ST3GAL3: variants seen among roughly 807,000 people sequenced by gnomAD.
The protein encoded by ST3GAL3 is CMP-N-acetylneuraminate-beta-1,4-galactoside alpha-2,3-sialyltransferase.
ST3GAL3 carries 21 observed loss-of-function variants against 50.1 expected under a neutral mutation model. The observed-to-expected ratio is 0.42, with a 90% CI of 0.30 to 0.60. The LOEUF (loss-of-function observed/expected upper bound fraction) is 0.60, where lower values mean the gene tolerates loss of function less well. Among genes scored for constraint, ST3GAL3 ranks in the 20% least tolerant of loss-of-function variants. The probability of loss-of-function intolerance (pLI) is 0.19; values close to 1 mark genes in which losing one functional copy is unlikely to be tolerated. For synonymous variants in ST3GAL3, 183 were observed against 190.0 expected (o/e 0.96, Z 0.30); for missense variants, 353 against 489.4 (o/e 0.72, Z 2.63).
intron 5 of ST3GAL3, chr1:43,850,871 G>T: frequency 1.6e-6 from 2 of 1,257,412 alleles, no homozygotes; most frequent in Non-Finnish European, 2.3e-6. Context: ...ACACAGCAGA[G>T]TTGATGAGAG....
chr1:43,711,142 T>G lies in ST3GAL3; in HGVS notation c.-31+3449T>G, dbSNP rs975817956. On this transcript the variant is annotated intron_variant, in intron 1 of 11. Transcript: ENST00000347631. ...TTGACATAGATAGCTTGGATTAGGCTGCACTAACAAAAACCTCAAGACTTC... is the reference window on the plus strand; with the variant it reads ...TTGACATAGATAGCTTGGATTAGGCGGCACTAACAAAAACCTCAAGACTTC... Among the ~76,000 whole-genome samples, 5 of 152,370 alleles carry G rather than the reference T, an allele frequency of 3.3e-5. No homozygotes were observed. The East Asian group carries it at 9.6e-4, about 29-fold the overall frequency.
At chr1:43,892,624 T>C (rs1002725963) in intron 5 of ST3GAL3, among the ~76,000 whole-genome samples, 2 of 152,102 alleles carry the variant, frequency 1.3e-5, no homozygotes, top group African/African-American at 4.8e-5. Flanking sequence ...TACTGAACTT[T>C]CCAATCATCT....
chr1:43,886,410 A>C (rs928524379), intron 5 of ST3GAL3, among the ~76,000 whole-genome samples: 31 of 152,214 alleles, frequency 2.0e-4, no homozygotes, highest in African/African-American at 6.0e-4. Flanking sequence ...TAAATGTTTG[A>C]GATGATGGAT....
intron 9 of ST3GAL3, among the ~76,000 whole-genome samples, chr1:43,906,765 TA>T (rs750254935): frequency 3.3e-5 from 5 of 152,222 alleles, no homozygotes; most frequent in Non-Finnish European, 7.3e-5. Flanking sequence ...TGTCACTTAT[TA>T]AGCTCTTCAG....
chr1:43,734,302 TTTTTTG>T lies in ST3GAL3; in HGVS notation c.-30-1925_-30-1920del, dbSNP rs1354846039. On this transcript the variant is annotated intron_variant, in intron 1 of 11. Coordinates refer to ENST00000347631, the MANE Select transcript of ST3GAL3 (RefSeq NM_006279.5). ...TCTCTTTCTTTCTTCTTCTTCTTTT[TTTTTTG>T]TTTTTTTTTTTTTTGAGACAGGGTC... Among the ~76,000 whole-genome samples, 146 of 119,190 alleles carry T rather than the reference TTTTTTG, an allele frequency of 1.2e-3. 7 individuals carry two copies. Among genetic ancestry groups the T allele is most frequent in the Non-Finnish European group, 1.7e-3 (97 of 57,430 alleles). The allele number at this position is 119,190 out of a possible 152,430, so 78.2% of individuals were successfully genotyped here. A position where few individuals can be genotyped will look rare whatever the true frequency, so the allele number is the denominator to read the frequency against.
chr1:43,833,845 T>C (rs1351976086), intron 4 of ST3GAL3, among the ~76,000 whole-genome samples: 1 of 152,188 alleles, frequency 6.6e-6, no homozygotes, highest in Non-Finnish European at 1.5e-5. Context: ...GCAAGGGAAG[T>C]GGTGCTTAGA....
intron 5 of ST3GAL3, among the ~76,000 whole-genome samples, chr1:43,853,706 G>C (rs1257220016): frequency 6.6e-6 from 1 of 152,206 alleles, no homozygotes; most frequent in Admixed American, 6.5e-5. Flanking sequence ...AGGAAGGCTG[G>C]GGTGTGTGGT....
chr1:43,906,487 C>T (rs1377077045), intron 9 of ST3GAL3, among the ~76,000 whole-genome samples: 6 of 120,282 alleles, frequency 5.0e-5, no homozygotes, highest in African/African-American at 9.4e-5. Flanking sequence ...CCTCCTCCTG[C>T]TCCCCTTCCC....
chr1:43,857,271 A>G (rs1389913868), intron 5 of ST3GAL3, among the ~76,000 whole-genome samples: 1 of 152,196 alleles, frequency 6.6e-6, no homozygotes, highest in African/African-American at 2.4e-5. Flanking sequence ...GTCTGCCACA[A>G]GATTTTTGAG....
At chr1:43,779,521 T>C in intron 2 of ST3GAL3, among the ~76,000 whole-genome samples, 1 of 152,224 alleles carries the variant, frequency 6.6e-6, no homozygotes, top group Non-Finnish European at 1.5e-5. Flanking sequence ...GTAACTTGTT[T>C]GGTTTTTTAA....
At chr1:43,765,793 G>A (rs1390071120) in intron 2 of ST3GAL3, among the ~76,000 whole-genome samples, 8 of 146,474 alleles carry the variant, frequency 5.5e-5, no homozygotes, top group Non-Finnish European at 8.9e-5. Context: ...GTGCGCGCGC[G>A]CGCGCGCGTC....
At chr1:43,838,155 T>A in intron 4 of ST3GAL3, 64 bp from the exon 5 acceptor site, 1 of 877,842 alleles carries the variant, frequency 1.1e-6, no homozygotes, top group Non-Finnish European at 1.8e-6. Context: ...CAGCTCCTTA[T>A]GAATTAATAA....
chr1:43,776,481 A>AC (rs1697304340), intron 2 of ST3GAL3, among the ~76,000 whole-genome samples: 1 of 152,158 alleles, frequency 6.6e-6, no homozygotes, highest in Non-Finnish European at 1.5e-5. Context: ...ATGGATAAAT[A>AC]TGGATGATAT....
intron 3 of ST3GAL3, among the ~76,000 whole-genome samples, chr1:43,804,078 T>TCA (rs1423127913): frequency 1.3e-5 from 2 of 152,102 alleles, no homozygotes; most frequent in Non-Finnish European, 2.9e-5. Context: ...ATTCCTAGAG[T>TCA]GTTCTGTTCT....
chr1:43,807,408 T>C (rs2060020320), intron 3 of ST3GAL3, among the ~76,000 whole-genome samples: 2 of 51,800 alleles, frequency 3.9e-5, no homozygotes, highest in South Asian at 9.1e-4. Context: ...AGACCGAGAC[T>C]CTGTCTCAAA....
At chr1:43,824,994 A>G in intron 4 of ST3GAL3, 1 of 707,224 alleles carries the variant, frequency 1.4e-6, no homozygotes, top group Admixed American at 2.0e-5. Context: ...GATACCAAGA[A>G]TAAATCTGCC....
intron 5 of ST3GAL3, among the ~76,000 whole-genome samples, chr1:43,857,469 C>CTCCTTCCTTCCTTCCTTCCTTCCT (rs5773815): frequency 2.5e-4 from 33 of 129,440 alleles, no homozygotes; most frequent in African/African-American, 8.4e-4. Flanking sequence ...GTGTATTTCC[C>CTCCTTCCTTCCTTCCTTCCTTCCT]TCCTTCCTTC....
chr1:43,803,018 C>T (rs531798701), intron 3 of ST3GAL3, among the ~76,000 whole-genome samples: 12 of 152,190 alleles, frequency 7.9e-5, no homozygotes, highest in South Asian at 2.1e-4. Context: ...CTCCACCTCC[C>T]GGGTTCAAAT....
chr1:43,861,353 G>A (rs920902160), intron 5 of ST3GAL3, among the ~76,000 whole-genome samples: 3 of 152,026 alleles, frequency 2.0e-5, no homozygotes, highest in African/African-American at 4.8e-5. Flanking sequence ...CCTCGTCTGG[G>A]GTGGTAAGTG....
Sources: gnomAD v4.1 joint callset for allele counts (sites outside exome capture counted in the v4.1 genomes callset) on GRCh38, gnomAD v4.1.1 for gene constraint, MANE v1.5 for transcripts, NCBI Gene and HGNC (gene_info 2026-07-23, HGNC 2026-07-21) for gene names.